HPCAL1: variants seen among roughly 807,000 people sequenced by gnomAD.
HPCAL1 encodes the protein hippocalcin-like protein 1.
Under a neutral mutation model 17.1 loss-of-function variants are expected in HPCAL1, and 8 were observed. That is an observed-to-expected ratio of 0.47 (90% CI 0.27 to 0.84). The LOEUF (loss-of-function observed/expected upper bound fraction) is 0.84, where lower values mean the gene tolerates loss of function less well. Ranked by LOEUF, HPCAL1 falls within the 40% of genes least tolerant of loss-of-function variation. HPCAL1 has a pLI of 0.13. For synonymous variants in HPCAL1, 112 were observed against 111.4 expected, an observed-to-expected ratio of 1.01 and a Z score of -0.03; for missense variants, 165 against 271.1, an observed-to-expected ratio of 0.61 and a Z score of 2.75.
intron 1 of HPCAL1, among the ~76,000 whole-genome samples, chr2:10,313,513 C>T (rs574361600): frequency 6.6e-6 from 1 of 152,298 alleles, no homozygotes; most frequent in Non-Finnish European, 1.5e-5. Flanking sequence ...CTAGTGTTTT[C>T]TATGTTTGTA....
chr2:10,324,720 G>T (rs1269601758), intron 1 of HPCAL1, among the ~76,000 whole-genome samples: 1 of 149,432 alleles, frequency 6.7e-6, no homozygotes, highest in African/African-American at 2.5e-5. Context: ...GTGAATACCT[G>T]CTGGGGGAGG....
rs907068898 is a variant in HPCAL1, at chr2:10,327,392, G to T, written c.-111+24215G>T. Among the ~76,000 whole-genome samples, 3 of 152,212 alleles carry T rather than the reference G, an allele frequency of 2.0e-5. No homozygotes were observed. The East Asian group carries it at 5.8e-4, about 29-fold the overall frequency. ...CTTCTTTTGAGCCCCCTGCCGAGTG[G>T]CTAGCGTCAGGTGGGGGATTAGACT... On this transcript the variant is annotated intron_variant, in intron 1 of 4. Coordinates refer to ENST00000307845, the MANE Select transcript of HPCAL1 (RefSeq NM_002149.4).
At chr2:10,337,001 C>T (rs1477400775) in intron 1 of HPCAL1, among the ~76,000 whole-genome samples, 1 of 152,218 alleles carries the variant, frequency 6.6e-6, no homozygotes, top group Non-Finnish European at 1.5e-5. Context: ...GTTCTTCCCA[C>T]CGCAGCCTCC....
At position 10,378,223 on chromosome 2, in the gene HPCAL1, GTTTTT is replaced by G. The variant is rs58697364; in HGVS notation, c.-110-18591_-110-18587del. Reference sequence around the variant, plus strand: ...AAAAAGTAGAGAAAGGTGGTTTCATGTTTTTTTTTTTTTTTTTTTTTTTTTACTGC... The same window carrying G: ...AAAAAGTAGAGAAAGGTGGTTTCATGTTTTTTTTTTTTTTTTTTTTACTGC... On this transcript the variant is annotated intron_variant, in intron 1 of 4. Coordinates refer to ENST00000307845, the MANE Select transcript of HPCAL1 (RefSeq NM_002149.4). 9.2e-3 allele frequency among the ~76,000 whole-genome samples: 887 copies of G among 96,270 alleles called. 2 individuals are homozygous for G. The highest frequency in any genetic ancestry group is 0.041 in the Middle Eastern group (8 of 194). 63.2% of individuals were successfully genotyped at this position (96,270 alleles called of 152,430 possible). A position where few individuals can be genotyped will look rare whatever the true frequency, so the allele number is the denominator to read the frequency against.
At chr2:10,397,112 GGAAATGCAGA>G (rs1558515327) in intron 2 of HPCAL1, among the ~76,000 whole-genome samples, 192 bp downstream of exon 2, 1 of 152,156 alleles carries the variant, frequency 6.6e-6, no homozygotes, top group Non-Finnish European at 1.5e-5. Flanking sequence ...ACTGCGGCTC[GGAAATGCAGA>G]GAAACAGCCC....
rs530685006 is a variant in HPCAL1 at position 10,419,324 on chromosome 2, G to A, written c.-24-410G>A. Among the ~76,000 whole-genome samples the A allele has an allele frequency of 3.9e-5, 6 of 152,298 alleles. No homozygotes were observed. The highest frequency in any genetic ancestry group is 1.4e-4 in the African/African-American group (6 of 41,572). ...ATAATGTGATGCCTGAAAGAGGGAA[G>A]AACTGCCCCAAAGAGTCTGGGATGT... On this transcript the variant is annotated intron_variant, in intron 2 of 4. Transcript: ENST00000307845. This position sits in a 1 kb window ranked among gnomAD's most constrained non-coding sequence, Gnocchi z 5.0.
rs567994956 is a variant in HPCAL1, at chr2:10,306,986, T to G, written c.-111+3809T>G. 2.6e-5 allele frequency among the ~76,000 whole-genome samples: 4 copies of G among 152,330 alleles called. No individual in the cohort carries two copies. In the South Asian group the frequency reaches 8.3e-4, roughly 32 times the overall value. On this transcript the variant is annotated intron_variant, in intron 1 of 4. Transcript: ENST00000307845. Reference sequence around the variant, plus strand: ...GTGTGCCTTTACCTTAAGAAGCAAGTGCACCCTGAATGCTTCTAATCCCGC... The same window carrying G: ...GTGTGCCTTTACCTTAAGAAGCAAGGGCACCCTGAATGCTTCTAATCCCGC...
At chr2:10,383,260 T>A (rs747832436) in intron 1 of HPCAL1, among the ~76,000 whole-genome samples, 9 of 151,436 alleles carry the variant, frequency 5.9e-5, no homozygotes, top group Non-Finnish European at 1.0e-4. Flanking sequence ...TGGTCCCAGC[T>A]ACTCAGGAGG....
intron 1 of HPCAL1, among the ~76,000 whole-genome samples, chr2:10,311,165 C>A (rs1662938564): frequency 6.6e-6 from 1 of 152,146 alleles, no homozygotes; most frequent in South Asian, 2.1e-4. Flanking sequence ...GTCCCCCCGC[C>A]CCCCAATCCC....
rs1396884234 is a variant in HPCAL1, at chr2:10,343,410, C to T, written c.-111+40233C>T. On this transcript the variant is annotated intron_variant, in intron 1 of 4. Transcript: ENST00000307845. This position sits in a 1 kb window ranked among gnomAD's most constrained non-coding sequence, Gnocchi z 4.8. ...GGACTGATAGCACCATATCTCCCTC[C>T]AGGACTCCCGGGTGGGAGGTGGGTG... Among the ~76,000 whole-genome samples, 1 of 152,242 alleles carries T rather than the reference C, an allele frequency of 6.6e-6. No homozygotes were observed. The highest frequency in any genetic ancestry group is 1.5e-5 in the Non-Finnish European group (1 of 68,040).
At chr2:10,361,759 C>T (rs563729158) in intron 1 of HPCAL1, among the ~76,000 whole-genome samples, 3 of 151,532 alleles carry the variant, frequency 2.0e-5, no homozygotes, top group African/African-American at 7.3e-5. Flanking sequence ...TCTTGTCAAC[C>T]AGGATGGAGT....
Position 10,336,652 on chromosome 2 carries a change from C to T in HPCAL1, c.-111+33475C>T, listed in dbSNP as rs147626425. On this transcript the variant is annotated intron_variant, in intron 1 of 4. Transcript: ENST00000307845. ...TGTGGCTCTGCTCTATGACGTTGTCCCTCAGGGAGCCAGGCTTTCAGAGCA... is the reference window on the plus strand; with the variant it reads ...TGTGGCTCTGCTCTATGACGTTGTCTCTCAGGGAGCCAGGCTTTCAGAGCA... Among the ~76,000 whole-genome samples the T allele has an allele frequency of 4.9e-4, 75 of 152,338 alleles. 2 individuals are homozygous for T. Among genetic ancestry groups the T allele is most frequent in the Middle Eastern group, 6.8e-3 (2 of 294 alleles).
intron 1 of HPCAL1, among the ~76,000 whole-genome samples, chr2:10,387,354 A>G (rs1333881466): frequency 1.3e-5 from 2 of 152,234 alleles, no homozygotes; most frequent in Non-Finnish European, 2.9e-5. Context: ...CCATGCGGTG[A>G]CGCACTGGGG....
chr2:10,374,844 C>G (rs1667449917), intron 1 of HPCAL1, among the ~76,000 whole-genome samples: 1 of 152,238 alleles, frequency 6.6e-6, no homozygotes, highest in Admixed American at 6.5e-5. Flanking sequence ...TTGGCTGTTG[C>G]TGTGTCCTCC....
At position 10,409,152 on chromosome 2, in the gene HPCAL1, G is replaced by C. The variant is rs557185124; in HGVS notation, c.-24-10582G>C. On this transcript the variant is annotated intron_variant, in intron 2 of 4. Transcript: ENST00000307845. Reference sequence around the variant, plus strand: ...CACTAAGGGCACATATATGAGTTCAGACTGGCGACGGTTTATGTGCTCAGT... The same window carrying C: ...CACTAAGGGCACATATATGAGTTCACACTGGCGACGGTTTATGTGCTCAGT... 9.2e-5 allele frequency among the ~76,000 whole-genome samples: 14 copies of C among 152,286 alleles called. No homozygotes were observed. The South Asian group carries it at 2.7e-3, about 29-fold the overall frequency.
chr2:10,377,532 G>T lies in HPCAL1; in HGVS notation c.-110-19303G>T, dbSNP rs568207579. ...CTGTCCTTTCACGCACTGTCTGCCC[G>T]CACACACTCTTCCACCCTCTGTCGG... On this transcript the variant is annotated intron_variant, in intron 1 of 4. Coordinates refer to ENST00000307845, the MANE Select transcript of HPCAL1 (RefSeq NM_002149.4). This position sits in a 1 kb window ranked among gnomAD's most constrained non-coding sequence, Gnocchi z 5.9. Among the ~76,000 whole-genome samples the T allele has an allele frequency of 2.0e-5, 3 of 152,030 alleles. No individual in the cohort carries two copies. The highest frequency in any genetic ancestry group is 1.3e-4 in the Admixed American group (2 of 15,286).
chr2:10,337,359 T>C (rs998144193), intron 1 of HPCAL1, among the ~76,000 whole-genome samples: 1 of 152,242 alleles, frequency 6.6e-6, no homozygotes, highest in African/African-American at 2.4e-5. Flanking sequence ...CTATTTATTA[T>C]GTCAGCTAGG....
chr2:10,350,633 G>A (rs904664731), intron 1 of HPCAL1, among the ~76,000 whole-genome samples: 11 of 152,078 alleles, frequency 7.2e-5, no homozygotes, highest in South Asian at 2.1e-4. Context: ...AAAGAATACC[G>A]TCAAGAAAGT....
chr2:10,371,750 G>A (rs902504637), intron 1 of HPCAL1, among the ~76,000 whole-genome samples: 11 of 152,202 alleles, frequency 7.2e-5, no homozygotes, highest in African/African-American at 1.4e-4. Context: ...GGGCCTGCCC[G>A]GAAAGGTCCC....
Sources: gnomAD v4.1 joint callset for allele counts (sites outside exome capture counted in the v4.1 genomes callset) on GRCh38, gnomAD v4.1.1 for gene constraint, Gnocchi (gnomAD v3.1) non-coding constraint, MANE v1.5 for transcripts, NCBI Gene and HGNC (gene_info 2026-07-23, HGNC 2026-07-21) for gene names.